LRP1B: variants seen among roughly 807,000 people sequenced by gnomAD.
LRP1B encodes the protein LDL receptor related protein 1B, also known as low-density lipoprotein receptor-related protein 1B.
A neutral mutation model predicts 556.6 loss-of-function variants in LRP1B; 217 were observed. The ratio of observed to expected loss-of-function variants is 0.39; its 90% CI spans 0.35 to 0.44. The LOEUF is 0.44. Ranked by LOEUF, LRP1B falls within the 20% of genes least tolerant of loss-of-function variation. LRP1B has a pLI of 1.00. For synonymous variants in LRP1B, 2,047 were observed against 1,865.8 expected (o/e 1.10, Z -2.50); for missense variants, 5,053 against 5,620.8 (o/e 0.90, Z 3.23).
At chr2:141,334,798 C>T (rs112526642) in intron 3 of LRP1B, among the ~76,000 whole-genome samples, 4 of 152,076 alleles carry the variant, frequency 2.6e-5, no homozygotes, top group Admixed American at 1.3e-4. Flanking sequence ...ATGATCTGCC[C>T]GCCTCAGCCT....
At chr2:140,655,464 C>T (rs929916063) in intron 41 of LRP1B, among the ~76,000 whole-genome samples, 1 of 152,070 alleles carries the variant, frequency 6.6e-6, no homozygotes, top group African/African-American at 2.4e-5. Context: ...TTGTTCTGTC[C>T]TTTGGATGTG....
intron 2 of LRP1B, among the ~76,000 whole-genome samples, chr2:141,660,266 C>A (rs1005720759): frequency 6.6e-6 from 1 of 152,166 alleles, no homozygotes; most frequent in Admixed American, 6.5e-5. Flanking sequence ...CGGTGAGTGA[C>A]CATGCTACCC....
chr2:141,619,466 G>A (rs190613519), intron 2 of LRP1B, among the ~76,000 whole-genome samples: 1 of 152,168 alleles, frequency 6.6e-6, no homozygotes, highest in Non-Finnish European at 1.5e-5. Flanking sequence ...AATGATATTT[G>A]ATTGGATGAA....
intron 31 of LRP1B, among the ~76,000 whole-genome samples, chr2:140,816,029 G>T (rs1691109738): frequency 6.6e-6 from 1 of 151,984 alleles, no homozygotes. Flanking sequence ...TCAAATAAAT[G>T]GCAGACTATT....
At chr2:141,540,599 T>G (rs1685224422) in intron 2 of LRP1B, among the ~76,000 whole-genome samples, 1 of 152,040 alleles carries the variant, frequency 6.6e-6, no homozygotes, top group Non-Finnish European at 1.5e-5. Flanking sequence ...GCAACGTGAT[T>G]GTAAAATGGT....
intron 1 of LRP1B, among the ~76,000 whole-genome samples, chr2:141,826,822 C>T (rs1429909422): frequency 6.6e-6 from 1 of 152,112 alleles, no homozygotes; most frequent in East Asian, 1.9e-4. Flanking sequence ...AGACAAATTG[C>T]CCTCCAAATA....
intron 2 of LRP1B, among the ~76,000 whole-genome samples, chr2:141,650,815 T>C (rs963311084): frequency 3.9e-5 from 6 of 152,332 alleles, no homozygotes; most frequent in Middle Eastern, 3.4e-3. Context: ...AGATTTGTGC[T>C]GTTTTCCCAC....
chr2:140,383,032 C>A (rs1187073133), intron 67 of LRP1B, among the ~76,000 whole-genome samples: 3 of 152,124 alleles, frequency 2.0e-5, no homozygotes. Flanking sequence ...GTAGTCTGTA[C>A]CATCTATGTT....
chr2:140,374,836 G>T (rs1045761692), intron 68 of LRP1B, among the ~76,000 whole-genome samples: 4 of 152,076 alleles, frequency 2.6e-5, no homozygotes, highest in African/African-American at 7.2e-5. Context: ...GATTATCTCT[G>T]CAAGTGGGCT....
chr2:141,741,261 T>TC (rs1693691274), intron 2 of LRP1B, among the ~76,000 whole-genome samples: 1 of 145,232 alleles, frequency 6.9e-6, no homozygotes, highest in African/African-American at 2.6e-5. Flanking sequence ...TATACTGATT[T>TC]CCTTTTTTTT....
At chr2:140,572,140 A>C (rs1574092278) in intron 43 of LRP1B, among the ~76,000 whole-genome samples, 1 of 151,862 alleles carries the variant, frequency 6.6e-6, no homozygotes, top group Non-Finnish European at 1.5e-5. Context: ...AAAAATAGAC[A>C]ATTGGGATTA....
chr2:140,674,808 G>A (rs367734224), intron 41 of LRP1B, among the ~76,000 whole-genome samples: 46 of 152,158 alleles, frequency 3.0e-4, no homozygotes, highest in Non-Finnish European at 5.3e-4. Flanking sequence ...GACTCTTTTC[G>A]TAGACATTTG....
chr2:141,831,911 A>C (rs1311356863), intron 1 of LRP1B, among the ~76,000 whole-genome samples: 1 of 151,698 alleles, frequency 6.6e-6, no homozygotes, highest in Non-Finnish European at 1.5e-5. Flanking sequence ...CTCAAGCCTC[A>C]CTGTTCAAGG....
In LRP1B at chr2:140,670,981, G is replaced by A. The variant is rs578173723; in HGVS notation, c.6799+29269C>T. ...TTAAAGCAGGTGCCTATGATAAAGGGATATAGGGCAGGCCTACCATTTTAA... is the reference window on the plus strand; with the variant it reads ...TTAAAGCAGGTGCCTATGATAAAGGAATATAGGGCAGGCCTACCATTTTAA... On this transcript the variant is annotated intron_variant, in intron 41 of 90. Transcript: ENST00000389484. Among the ~76,000 whole-genome samples the A allele has an allele frequency of 5.3e-5, 8 of 152,274 alleles. No individual in the cohort carries two copies. The East Asian group carries it at 1.5e-3, about 29-fold the overall frequency.
At chr2:140,955,721 C>T (rs2105308098) in intron 18 of LRP1B, among the ~76,000 whole-genome samples, 1 of 151,606 alleles carries the variant, frequency 6.6e-6, no homozygotes, top group Admixed American at 6.6e-5. Flanking sequence ...TAAATGGCTA[C>T]AATTGTCTTT....
chr2:140,887,244 AT>A (rs1183810600), intron 23 of LRP1B, among the ~76,000 whole-genome samples: 1 of 152,200 alleles, frequency 6.6e-6, no homozygotes, highest in Non-Finnish European at 1.5e-5. Context: ...TTAAAATTTA[AT>A]ATCCAGGATT....
intron 3 of LRP1B, among the ~76,000 whole-genome samples, chr2:141,398,612 ACT>A (rs997396944): frequency 6.6e-6 from 1 of 152,082 alleles, no homozygotes; most frequent in Non-Finnish European, 1.5e-5. Context: ...CTAACATGAG[ACT>A]CTGGAGAGAA....
chr2:141,451,463 T>A (rs1681418436), intron 3 of LRP1B, among the ~76,000 whole-genome samples: 1 of 152,206 alleles, frequency 6.6e-6, no homozygotes, highest in Non-Finnish European at 1.5e-5. Context: ...AAATACAAAT[T>A]AACTAATTCA....
chr2:140,797,428 G>A (rs1410357574), intron 32 of LRP1B, among the ~76,000 whole-genome samples: 2 of 151,912 alleles, frequency 1.3e-5, no homozygotes, highest in African/African-American at 4.8e-5. Context: ...TATATGACTA[G>A]TTTATAGTTT....
Sources: gnomAD v4.1 joint callset for allele counts (sites outside exome capture counted in the v4.1 genomes callset) on GRCh38, gnomAD v4.1.1 for gene constraint, MANE v1.5 for transcripts, NCBI Gene and HGNC (gene_info 2026-07-23, HGNC 2026-07-21) for gene names.